Variants in ERBB4 observed in about 807,000 individuals in gnomAD.
The protein encoded by ERBB4 is erb-b2 receptor tyrosine kinase 4.
ERBB4 carries 42 observed loss-of-function variants against 158.0 expected under a neutral mutation model. That is an observed-to-expected ratio of 0.27 (90% confidence interval 0.21 to 0.34). The LOEUF is 0.34. ERBB4 is among the 10% of genes least tolerant of loss of function. The pLI is 1.00. For missense variants in ERBB4, 1,333 were observed against 1,624.1 expected, an observed-to-expected ratio of 0.82 and a Z score of 3.08; for synonymous variants, 583 against 558.7, an observed-to-expected ratio of 1.04 and a Z score of -0.61.
chr2:211,465,670 A>G (rs1395896868), intron 20 of ERBB4, among the ~76,000 whole-genome samples: 1 of 152,184 alleles, frequency 6.6e-6, no homozygotes, highest in Admixed American at 6.5e-5. Context: ...ATCAAAATCT[A>G]TCTTGAACAA....
chr2:212,223,428 T>TA (rs879352386), intron 1 of ERBB4, among the ~76,000 whole-genome samples: 1,900 of 20,926 alleles, frequency 0.091, 17 homozygotes, highest in African/African-American at 0.13. Context: ...TATATATATA[T>TA]TTTTTTTATT....
chr2:211,851,497 G>A (rs559287435), intron 3 of ERBB4, among the ~76,000 whole-genome samples: 5 of 151,820 alleles, frequency 3.3e-5, no homozygotes, highest in Admixed American at 6.6e-5. Flanking sequence ...TTCCCTCTTC[G>A]CTAAACTAAA....
At chr2:212,420,231 A>G (rs1230691401) in intron 1 of ERBB4, among the ~76,000 whole-genome samples, 1 of 152,068 alleles carries the variant, frequency 6.6e-6, no homozygotes, top group Non-Finnish European at 1.5e-5. Flanking sequence ...TATATTTCTG[A>G]AAACTGTTCC....
At chr2:211,845,660 T>C (rs79612564) in intron 3 of ERBB4, among the ~76,000 whole-genome samples, 37,523 of 152,054 alleles carry the variant, frequency 0.25, 5,626 homozygotes, top group East Asian at 0.42. Flanking sequence ...CTTTAGTACA[T>C]CCAACTTTTG....
chr2:211,456,159 C>T (rs1408831431), intron 20 of ERBB4, among the ~76,000 whole-genome samples: 4 of 152,054 alleles, frequency 2.6e-5, no homozygotes, highest in Admixed American at 2.6e-4. Flanking sequence ...ACTGTTTTTT[C>T]ATTTGTTAAC....
At chr2:212,260,377 G>A (rs969262145) in intron 1 of ERBB4, among the ~76,000 whole-genome samples, 1 of 152,162 alleles carries the variant, frequency 6.6e-6, no homozygotes, top group African/African-American at 2.4e-5. Context: ...TTGATTACTG[G>A]AGTTAAGAAA....
intron 20 of ERBB4, among the ~76,000 whole-genome samples, chr2:211,514,414 C>G (rs1418025163): frequency 1.1e-4 from 17 of 152,044 alleles, no homozygotes; most frequent in Admixed American, 1.1e-3. Flanking sequence ...GTGTTTTAGG[C>G]TTTTTAGCAT....
chr2:211,622,760 C>T (rs1296352665), intron 18 of ERBB4, among the ~76,000 whole-genome samples: 4 of 150,146 alleles, frequency 2.7e-5, no homozygotes, highest in Non-Finnish European at 4.4e-5. Context: ...GTCAGGAGTT[C>T]GAGACCAGCC....
chr2:211,897,935 T>G (rs1048648984), intron 3 of ERBB4, among the ~76,000 whole-genome samples: 5 of 151,978 alleles, frequency 3.3e-5, no homozygotes, highest in Non-Finnish European at 7.4e-5. Context: ...ATTTAAATTT[T>G]TTTTTAATTA....
chr2:211,625,232 A>G (rs2069796713), intron 17 of ERBB4, among the ~76,000 whole-genome samples: 1 of 152,154 alleles, frequency 6.6e-6, no homozygotes, highest in African/African-American at 2.4e-5. Context: ...AAACTTTACA[A>G]ATAGTCTCTT....
chr2:211,506,720 C>G (rs1422883120), intron 20 of ERBB4, among the ~76,000 whole-genome samples: 1 of 151,790 alleles, frequency 6.6e-6, no homozygotes, highest in East Asian at 1.9e-4. Flanking sequence ...AACAGAGACA[C>G]AACATACTAA....
chr2:211,764,556 A>T (rs1452408786), intron 4 of ERBB4, among the ~76,000 whole-genome samples: 1 of 152,226 alleles, frequency 6.6e-6, no homozygotes, highest in East Asian at 1.9e-4. Flanking sequence ...CTTAGGAGGA[A>T]AGTACTACTA....
At chr2:212,407,811 T>C (rs1454588022) in intron 1 of ERBB4, among the ~76,000 whole-genome samples, 1 of 152,162 alleles carries the variant, frequency 6.6e-6, no homozygotes, top group South Asian at 2.1e-4. Flanking sequence ...TAGTTAATAA[T>C]TTATAAAACA....
chr2:211,978,192 T>A (rs1288165071), intron 2 of ERBB4, among the ~76,000 whole-genome samples: 1 of 152,026 alleles, frequency 6.6e-6, no homozygotes, highest in Non-Finnish European at 1.5e-5. Flanking sequence ...CCTGGGCATT[T>A]CCTAGCCTCT....
rs541179181 is a variant in ERBB4 at position 212,104,434 on chromosome 2, C to T, written c.234+20318G>A. 4.9e-4 allele frequency among the ~76,000 whole-genome samples: 74 copies of T among 152,228 alleles called. 1 individual carries two copies. The highest frequency in any genetic ancestry group is 3.4e-3 in the Middle Eastern group (1 of 294). ...AAATTTAAATTAAATTAGAATTACACTTCACAATTCACCTGAAATTCACCA... is the reference window on the plus strand; with the variant it reads ...AAATTTAAATTAAATTAGAATTACATTTCACAATTCACCTGAAATTCACCA... On this transcript the variant is annotated intron_variant, in intron 2 of 27. Coordinates refer to ENST00000342788, the MANE Select transcript of ERBB4 (RefSeq NM_005235.3).
chr2:211,980,519 T>C (rs914112528), intron 2 of ERBB4, among the ~76,000 whole-genome samples: 1 of 151,284 alleles, frequency 6.6e-6, no homozygotes, highest in Non-Finnish European at 1.5e-5. Flanking sequence ...TTCTAAAGGC[T>C]GTTTGTTTGT....
intron 20 of ERBB4, among the ~76,000 whole-genome samples, chr2:211,461,264 G>A (rs1009216385): frequency 1.3e-5 from 2 of 152,046 alleles, no homozygotes; most frequent in Non-Finnish European, 2.9e-5. Flanking sequence ...CAAAAAATAA[G>A]GAGAAATGTT....
chr2:212,005,016 T>C (rs1411447705), intron 2 of ERBB4, among the ~76,000 whole-genome samples: 4 of 152,204 alleles, frequency 2.6e-5, no homozygotes, highest in Non-Finnish European at 4.4e-5. Flanking sequence ...TAATATAAGC[T>C]ATGTTGATAT....
At chr2:212,055,720 G>A (rs1575574419) in intron 2 of ERBB4, among the ~76,000 whole-genome samples, 4 of 152,366 alleles carry the variant, frequency 2.6e-5, no homozygotes, top group Admixed American at 2.6e-4. Context: ...TGAGGGTCCT[G>A]ACTGTTAGAA....
Sources: allele counts gnomAD v4.1 joint callset (sites outside exome capture counted in the v4.1 genomes callset), GRCh38; gene constraint gnomAD v4.1.1; transcripts MANE v1.5; gene names NCBI Gene and HGNC (gene_info 2026-07-23, HGNC 2026-07-21).